TEN1: variants seen among roughly 807,000 people sequenced by gnomAD.
The protein encoded by TEN1 is CST complex subunit TEN1.
Under a neutral mutation model 9.3 loss-of-function variants are expected in TEN1, and 6 were observed. The observed-to-expected ratio is 0.65, with a 90% CI of 0.35 to 1.27. The LOEUF (loss-of-function observed/expected upper bound fraction) is 1.27, where lower values mean the gene tolerates loss of function less well. Among genes scored for constraint, TEN1 ranks in the 50% most tolerant of loss-of-function variants. The pLI is 0.03. For synonymous variants in TEN1, 65 were observed against 65.6 expected (o/e 0.99, Z 0.04); for missense variants, 149 against 158.2 (o/e 0.94, Z 0.31).
intron 1 of TEN1, 154 bp from the exon 2 acceptor site, chr17:75,986,032 CT>C: frequency 1.9e-6 from 1 of 539,038 alleles, no homozygotes; most frequent in Non-Finnish European, 3.2e-6. Flanking sequence ...AATGCTATCC[CT>C]CCCCCCAAAA....
At chr17:75,985,225 G>A (rs1340271614) in intron 1 of TEN1, among the ~76,000 whole-genome samples, 7 of 152,166 alleles carry the variant, frequency 4.6e-5, no homozygotes, top group African/African-American at 1.4e-4. Context: ...ATAGCTCACT[G>A]CAGCTTCAAC....
intron 3 of TEN1, among the ~76,000 whole-genome samples, chr17:75,992,702 C>T (rs1017551585): frequency 4.6e-5 from 7 of 151,272 alleles, no homozygotes; most frequent in South Asian, 4.2e-4. Context: ...TTAGTAGAGA[C>T]GGGGTTTCAC....
intron 1 of TEN1, among the ~76,000 whole-genome samples, chr17:75,980,024 A>C (rs1039408662): frequency 1.3e-5 from 2 of 151,956 alleles, no homozygotes; most frequent in Non-Finnish European, 2.9e-5. Context: ...CAAAGTGGGA[A>C]ATGCACACTT....
In TEN1 at chr17:76,000,300, G is replaced by C; in HGVS notation, c.*38G>C. 6.5e-7 allele frequency: 1 copy of C among 1,539,494 alleles called. No homozygotes were observed. Among genetic ancestry groups the C allele is most frequent in the Non-Finnish European group, 8.8e-7 (1 of 1,139,776 alleles). ...TAGCAACACCCTCACCTGCTTCAGAGCCCGAACCCTCTGGAGCTGCAGGAG... is the reference window on the plus strand; with the variant it reads ...TAGCAACACCCTCACCTGCTTCAGACCCCGAACCCTCTGGAGCTGCAGGAG... On this transcript the variant is annotated 3_prime_UTR_variant, in exon 4 of 4. Transcript: ENST00000397640. The surrounding 1 kb of genome is among the most constrained non-coding windows in gnomAD (Gnocchi z 5.9).
chr17:75,991,816 T>G (rs1438101345), intron 3 of TEN1, among the ~76,000 whole-genome samples, 193 bp downstream of exon 3: 1 of 152,062 alleles, frequency 6.6e-6, no homozygotes, highest in East Asian at 1.9e-4. Context: ...TGGTGCCAAC[T>G]CAAAGACAGG....
intron 2 of TEN1, among the ~76,000 whole-genome samples, chr17:75,986,809 C>G (rs1189211956): frequency 6.6e-6 from 1 of 151,774 alleles, no homozygotes; most frequent in Non-Finnish European, 1.5e-5. Context: ...GGAAAAGTCA[C>G]CCATAATCCC....
rs564586766 is a variant in TEN1 at position 75,992,758 on chromosome 17, C to T, written c.250+1135C>T. The stretch of plus-strand genomic sequence containing the variant: ...TGATCTCCTGACCTTGTGATCCACC[C>T]GCCTCGGCCTCCCAAAGTGCTGGGA... On this transcript the variant is annotated intron_variant, in intron 3 of 3. Transcript: ENST00000397640. Among the ~76,000 whole-genome samples, 10 of 149,102 alleles carry T rather than the reference C, an allele frequency of 6.7e-5. No homozygotes were observed. In the East Asian group the frequency reaches 1.4e-3, roughly 21 times the overall value.
intron 3 of TEN1, among the ~76,000 whole-genome samples, chr17:75,995,363 C>T (rs1474587104): frequency 6.6e-6 from 1 of 152,098 alleles, no homozygotes; most frequent in East Asian, 1.9e-4. Context: ...CCTGTCTCTA[C>T]AAAATAATAA....
rs1365193541 is a variant in TEN1 at position 75,986,287 on chromosome 17, G to A, written c.92+3G>A. 2 of 1,544,056 alleles carry A rather than the reference G, an allele frequency of 1.3e-6. No individual in the cohort carries two copies. Among genetic ancestry groups the A allele is most frequent in the Non-Finnish European group, 1.7e-6 (2 of 1,143,492 alleles). On this transcript the variant is annotated splice_donor_region_variant and intron_variant, in intron 2 of 3. Coordinates refer to ENST00000397640, the MANE Select transcript of TEN1 (RefSeq NM_001113324.3). ...AGCACGCTGAGAACATTTGGCAGGTGAGAACGGTTATTTTTTTCACTGGTG... is the reference window on the plus strand; with the variant it reads ...AGCACGCTGAGAACATTTGGCAGGTAAGAACGGTTATTTTTTTCACTGGTG...
At chr17:75,982,078 T>C (rs2066124997) in intron 1 of TEN1, among the ~76,000 whole-genome samples, 1 of 152,104 alleles carries the variant, frequency 6.6e-6, no homozygotes, top group African/African-American at 2.4e-5. Context: ...TTTCCCTCCT[T>C]CTTTTGGTGT....
intron 2 of TEN1, among the ~76,000 whole-genome samples, 174 bp from the exon 3 acceptor site, chr17:75,991,292 T>C (rs6501847): frequency 0.5 from 75,987 of 152,074 alleles, 22,597 homozygotes; most frequent in African/African-American, 0.85. Context: ...AATTCCTTCA[T>C]ATTCTACAGT....
intron 1 of TEN1, among the ~76,000 whole-genome samples, chr17:75,983,206 G>C (rs944953991): frequency 1.4e-4 from 22 of 151,766 alleles, no homozygotes; most frequent in African/African-American, 5.3e-4. Context: ...GCTTGAACCC[G>C]GGAGGCAGTG....
At chr17:75,997,696 C>T (rs934259631) in intron 3 of TEN1, among the ~76,000 whole-genome samples, 2 of 152,154 alleles carry the variant, frequency 1.3e-5, no homozygotes, top group African/African-American at 4.8e-5. Context: ...ACACTAGAGT[C>T]TGACCTACCT....
intron 3 of TEN1, among the ~76,000 whole-genome samples, chr17:75,993,816 G>A (rs1398138023): frequency 1.3e-5 from 2 of 152,022 alleles, no homozygotes; most frequent in East Asian, 1.9e-4. Flanking sequence ...CTAACATGGC[G>A]AAACCCCGTC....
chr17:75,999,462 C>T (rs1423455072), intron 3 of TEN1, among the ~76,000 whole-genome samples: 1 of 152,122 alleles, frequency 6.6e-6, no homozygotes, highest in African/African-American at 2.4e-5. Flanking sequence ...CCTGCCTCAG[C>T]CTTCCAAGTA....
chr17:75,981,896 A>G (rs1372865888), intron 1 of TEN1, among the ~76,000 whole-genome samples: 1 of 152,152 alleles, frequency 6.6e-6, no homozygotes, highest in Non-Finnish European at 1.5e-5. Context: ...GCGAGGTGCC[A>G]TGTGCCTGTA....
intron 3 of TEN1, among the ~76,000 whole-genome samples, chr17:75,997,992 C>CTCCCT (rs2066227405): frequency 6.6e-6 from 1 of 151,638 alleles, no homozygotes; most frequent in African/African-American, 2.4e-5. Context: ...GCTGGGATTA[C>CTCCCT]AGGTGCCCGC....
intron 1 of TEN1, among the ~76,000 whole-genome samples, chr17:75,980,398 A>G (rs1318108930): frequency 1.3e-5 from 2 of 151,918 alleles, no homozygotes; most frequent in African/African-American, 4.8e-5. Flanking sequence ...GACAAGGGAG[A>G]TTCAGGGATT....
intron 2 of TEN1, among the ~76,000 whole-genome samples, chr17:75,986,887 A>T (rs940843098): frequency 6.6e-6 from 1 of 152,106 alleles, no homozygotes; most frequent in East Asian, 1.9e-4. Context: ...ATGTGTTTGT[A>T]TATGTGGGTG....
Sources: allele counts gnomAD v4.1 joint callset (sites outside exome capture counted in the v4.1 genomes callset), GRCh38; gene constraint gnomAD v4.1.1; non-coding constraint Gnocchi (gnomAD v3.1); transcripts MANE v1.5; gene names NCBI Gene and HGNC (gene_info 2026-07-23, HGNC 2026-07-21).